PSME4: variants seen among roughly 807,000 people sequenced by gnomAD.
PSME4 encodes proteasome activator subunit 4.
In PSME4, 89 loss-of-function variants were observed where a neutral mutation model predicts 253.9. The ratio of observed to expected loss-of-function variants is 0.35; its 90% CI spans 0.30 to 0.42. PSME4 has a LOEUF of 0.42. PSME4 is among the 10% of genes least tolerant of loss of function. The pLI is 1.00. For synonymous variants in PSME4, 851 were observed against 759.2 expected, an observed-to-expected ratio of 1.12 and a Z score of -1.99; for missense variants, 2,014 against 2,195.2, an observed-to-expected ratio of 0.92 and a Z score of 1.65.
chr2:53,959,041 C>T (rs1055693095), intron 1 of PSME4, among the ~76,000 whole-genome samples: 28 of 152,074 alleles, frequency 1.8e-4, no homozygotes, highest in African/African-American at 5.6e-4. Context: ...AAGAGCTGGG[C>T]GTGGTGGCTC....
chr2:53,887,392 C>T lies in PSME4; in HGVS notation c.4596G>A (p.Glu1532=). Residue 1532 remains glutamate, a synonymous_variant, in exon 40 of 47, where the codon GAG becomes GAA. Transcript: ENST00000404125. The stretch of plus-strand genomic sequence containing the variant: ...ATTTCTCCAGAATTCGAGCAGTAAA[C>T]TCAGGGACATGAGGCGATATGGTTG... ...TTPTISPHVP[E]FTARILEKLK... is the part of the protein sequence containing the mutation. The T allele has an allele frequency of 6.2e-7, 1 of 1,613,888 alleles. No homozygotes were observed. Among genetic ancestry groups the T allele is most frequent in the Non-Finnish European group, 8.5e-7 (1 of 1,179,868 alleles).
At chr2:53,898,195 G>T in intron 30 of PSME4, 106 bp downstream of exon 30, 1 of 1,244,816 alleles carries the variant, frequency 8.0e-7, no homozygotes, top group South Asian at 1.5e-5. Context: ...TACACAAACC[G>T]GAATATAACT....
chr2:53,936,101 G>A lies in PSME4; in HGVS notation c.820C>T (p.Pro274Ser). Residue 274 changes from proline (P) to serine (S), a missense_variant, in exon 7 of 47, where the codon CCA (proline) becomes TCA (serine). Around this residue, in one of 4 missense-constraint regions of PSME4, gnomAD observed 615 missense variants for 594.4 expected, o/e 1.03. Transcript: ENST00000404125. Reference sequence around the variant, plus strand: ...ATGTTAATTACCTTTGGTACATATGGATCCCAATCTATGTACCCTATATTA... The same window carrying A: ...ATGTTAATTACCTTTGGTACATATGAATCCCAATCTATGTACCCTATATTA... ...TDNIGYIDWD[P>S]YVPKIFTRIL... is the part of the protein sequence containing the mutation. 1 of 1,612,056 alleles carries A rather than the reference G, an allele frequency of 6.2e-7. No individual in the cohort carries two copies. The highest frequency in any genetic ancestry group is 2.2e-5 in the East Asian group (1 of 44,748).
chr2:53,919,167 C>T lies in PSME4; in HGVS notation c.2500G>A (p.Glu834Lys), dbSNP rs765314686. The part of the protein sequence containing the change: ...SGNLLPPLKG[E>K]PVTNLVPSMV... ...TTTACTTACAAGTTAGTAACTGGCT[C>T]TCCTTTCAACGGAGGTAGGAGGTTT... Residue 834 changes from glutamate (E) to lysine (K), a missense_variant, in exon 20 of 47, where the codon GAG becomes AAG. Physicochemically the swap from Glu to Lys is moderately conservative, Grantham distance 56. Transcript: ENST00000404125. 6.2e-7 allele frequency: 1 copy of T among 1,612,208 alleles called. No homozygotes were observed. Among genetic ancestry groups the T allele is most frequent in the South Asian group, 1.1e-5 (1 of 90,738 alleles).
intron 1 of PSME4, among the ~76,000 whole-genome samples, chr2:53,962,438 A>G (rs530917936): frequency 3.3e-5 from 5 of 152,164 alleles, no homozygotes; most frequent in African/African-American, 1.2e-4. Flanking sequence ...CTCCACTTCA[A>G]TTAACAACAG....
chr2:53,910,726 A>G (rs577362181), intron 20 of PSME4, among the ~76,000 whole-genome samples: 11 of 152,328 alleles, frequency 7.2e-5, no homozygotes, highest in Admixed American at 1.3e-4. Context: ...AGCCAGTTAA[A>G]TTCATTGAAC....
chr2:53,895,544 A>T (rs1443961630), intron 33 of PSME4, 39 bp downstream of exon 33: 2 of 1,558,646 alleles, frequency 1.3e-6, no homozygotes, highest in African/African-American at 2.7e-5. Flanking sequence ...CAGTTATATC[A>T]AAGGCATTTA....
At chr2:53,947,980 C>T (rs562957561) in intron 3 of PSME4, among the ~76,000 whole-genome samples, 41 of 152,258 alleles carry the variant, frequency 2.7e-4, no homozygotes, top group African/African-American at 8.7e-4. Context: ...CACACCACTG[C>T]ACTCCAGCCT....
At chr2:53,957,376 G>C (rs1670283737) in intron 1 of PSME4, among the ~76,000 whole-genome samples, 1 of 152,138 alleles carries the variant, frequency 6.6e-6, no homozygotes, top group Admixed American at 6.5e-5. Flanking sequence ...TGGGAGTCCT[G>C]AGCTTATTTT....
rs568651606 is a variant in PSME4, at chr2:53,908,460, C to G, written c.2686-42G>C. ...CAAATTGTATTTGCAAGTCATCAATCCAAGCTTGATCGTATTAATCATTAT... is the reference window on the plus strand; with the variant it reads ...CAAATTGTATTTGCAAGTCATCAATGCAAGCTTGATCGTATTAATCATTAT... On this transcript the variant is annotated intron_variant, in intron 23 of 46. Coordinates refer to ENST00000404125, the MANE Select transcript of PSME4 (RefSeq NM_014614.3). 1.3e-5 allele frequency: 21 copies of G among 1,611,954 alleles called. No individual in the cohort carries two copies. In the South Asian group the frequency reaches 2.1e-4, roughly 16 times the overall value.
rs1321458665 is a variant in PSME4, at chr2:53,909,215, CTAATTA to C, written c.2573-381_2573-376del. ...TAGAGATTAAAATACATGGAATTTT[CTAATTA>C]GTTGTGGGTGACGTAAATCAAGCAA... On this transcript the variant is annotated intron_variant, in intron 21 of 46. Coordinates refer to ENST00000404125, the MANE Select transcript of PSME4 (RefSeq NM_014614.3). Among the ~76,000 whole-genome samples the C allele has an allele frequency of 1.0e-3, 155 of 152,188 alleles. 1 individual carries two copies. Among genetic ancestry groups the C allele is most frequent in the African/African-American group, 3.3e-3 (139 of 41,514 alleles).
rs747038569 is a variant in PSME4, at chr2:53,921,092, C to T, written c.2059G>A (p.Asp687Asn). 8 of 1,613,620 alleles carry T rather than the reference C, an allele frequency of 5.0e-6. No homozygotes were observed. Among genetic ancestry groups the T allele is most frequent in the Non-Finnish European group, 6.8e-6 (8 of 1,179,938 alleles). Reference protein sequence around the residue: ...LQLLSEITRVDGRKLLLYREQ... With the variant: ...LQLLSEITRVNGRKLLLYREQ... Reference sequence around the variant, plus strand: ...CTATAAAGAAGCAACTTCCTTCCATCCACTCGAGTAATCTAAAAGGAGGGA... The same window carrying T: ...CTATAAAGAAGCAACTTCCTTCCATTCACTCGAGTAATCTAAAAGGAGGGA... Residue 687 changes from aspartate to asparagine, a missense_variant, in exon 18 of 47, where the codon GAT (aspartate) becomes AAT (asparagine). Transcript: ENST00000404125.
At chr2:53,929,792 C>T (rs1046203742) in intron 10 of PSME4, among the ~76,000 whole-genome samples, 2 of 151,860 alleles carry the variant, frequency 1.3e-5, no homozygotes, top group East Asian at 1.9e-4. Flanking sequence ...CCAAGGCAGG[C>T]GGACTGCTTG....
chr2:53,890,304 TA>T (rs1679847914), intron 36 of PSME4, 96 bp from the exon 37 acceptor site: 1 of 804,082 alleles, frequency 1.2e-6, no homozygotes, highest in Non-Finnish European at 2.1e-6. Context: ...CACATACAGG[TA>T]TATCATTTAA....
At chr2:53,956,573 TTA>T (rs1040762530) in intron 1 of PSME4, among the ~76,000 whole-genome samples, 2 of 151,624 alleles carry the variant, frequency 1.3e-5, no homozygotes, top group African/African-American at 4.8e-5. Flanking sequence ...ACAGGAATTA[TTA>T]TTCTATATAT....
intron 44 of PSME4, among the ~76,000 whole-genome samples, chr2:53,867,304 A>C (rs1678611573): frequency 6.6e-6 from 1 of 152,166 alleles, no homozygotes; most frequent in African/African-American, 2.4e-5. Flanking sequence ...CAGGAGTTCA[A>C]GAACAGCTTG....
rs183016675 is a variant in PSME4, at chr2:53,943,764, C to T, written c.501-3764G>A. Among the ~76,000 whole-genome samples the T allele has an allele frequency of 1.1e-3, 158 of 149,242 alleles. 3 individuals are homozygous for T. In the East Asian group the frequency reaches 0.029, roughly 28 times the overall value. The stretch of plus-strand genomic sequence containing the variant: ...GACTGAGGCAGAAGAATCGCTTGAA[C>T]TCGGGAGGCGGAGGTTGCGGTGAGT... On this transcript the variant is annotated intron_variant, in intron 3 of 46. Transcript: ENST00000404125.
At chr2:53,926,079 A>G in intron 12 of PSME4, 56 bp from the exon 13 acceptor site, 1 of 1,385,916 alleles carries the variant, frequency 7.2e-7, no homozygotes, top group Non-Finnish European at 1.0e-6. Context: ...TTTTTTCCTG[A>G]ACTAACAAAA....
chr2:53,890,757 G>C (rs1227749455), intron 36 of PSME4, among the ~76,000 whole-genome samples: 3 of 152,180 alleles, frequency 2.0e-5, no homozygotes, highest in Non-Finnish European at 4.4e-5. Flanking sequence ...GCTGGGTGCA[G>C]TGGCTCCTGC....
Sources: gnomAD v4.1 joint callset for allele counts (sites outside exome capture counted in the v4.1 genomes callset) on GRCh38, gnomAD v4.1.1 for gene constraint, gnomAD v4.1.1 regional missense constraint, MANE v1.5 for transcripts, NCBI Gene and HGNC (gene_info 2026-07-23, HGNC 2026-07-21) for gene names.